The following RBMS1 variants were observed in gnomAD, a reference collection of about 807,000 sequenced individuals.
The protein encoded by RBMS1 is RNA-binding motif, single-stranded-interacting protein 1.
A neutral mutation model predicts 62.3 loss-of-function variants in RBMS1; 17 were observed. The observed-to-expected ratio is 0.27, with a 90% CI of 0.19 to 0.41. The LOEUF is 0.41. Among genes scored for constraint, RBMS1 ranks in the 10% least tolerant of loss-of-function variants. The pLI, the probability that RBMS1 is intolerant of heterozygous loss-of-function variation, is 1.00. For synonymous variants in RBMS1, 172 were observed against 170.0 expected (o/e 1.01, Z -0.09); for missense variants, 334 against 504.5 (o/e 0.66, Z 3.24).
At chr2:160,415,772 G>C (rs1696186738) in intron 1 of RBMS1, among the ~76,000 whole-genome samples, 1 of 152,062 alleles carries the variant, frequency 6.6e-6, no homozygotes, top group African/African-American at 2.4e-5. Context: ...TACACAGAAG[G>C]AAAGAAACAG....
chr2:160,426,776 G>C (rs904307366), intron 1 of RBMS1, among the ~76,000 whole-genome samples: 1 of 152,088 alleles, frequency 6.6e-6, no homozygotes, highest in African/African-American at 2.4e-5. Flanking sequence ...ACCTCATTCC[G>C]GGTGACTTCT....
chr2:160,323,097 G>T (rs1383603987), intron 2 of RBMS1, among the ~76,000 whole-genome samples: 1 of 152,056 alleles, frequency 6.6e-6, no homozygotes, highest in East Asian at 1.9e-4. Flanking sequence ...GCCTGTAAGA[G>T]TAACAGACAT....
In RBMS1 at chr2:160,310,074, T is replaced by C. The variant is rs573592635; in HGVS notation, c.402+3082A>G. ...CATCAAAATGTTAACCGAGAGCCTA[T>C]TTCACATTATGTTAAACAGGAAAAA... is the stretch of plus-strand genomic sequence containing the variant. On this transcript the variant is annotated intron_variant, in intron 4 of 13. Transcript: ENST00000348849. Among the ~76,000 whole-genome samples, 16 of 152,344 alleles carry C rather than the reference T, an allele frequency of 1.1e-4. No individual in the cohort carries two copies. In the South Asian group the frequency reaches 3.1e-3, roughly 30 times the overall value.
chr2:160,310,151 G>GT (rs1689768676), intron 4 of RBMS1, among the ~76,000 whole-genome samples: 1 of 152,116 alleles, frequency 6.6e-6, no homozygotes, highest in African/African-American at 2.4e-5. Flanking sequence ...TTTCTAAAAT[G>GT]TAACTATTTT....
intron 2 of RBMS1, among the ~76,000 whole-genome samples, chr2:160,344,018 A>AT (rs1377122355): frequency 6.6e-6 from 1 of 152,136 alleles, no homozygotes; most frequent in Non-Finnish European, 1.5e-5. Context: ...TGAATAAGTT[A>AT]TTTTTCACTG....
intron 1 of RBMS1, among the ~76,000 whole-genome samples, chr2:160,394,535 T>C (rs1481947332): frequency 6.6e-6 from 1 of 152,244 alleles, no homozygotes; most frequent in Non-Finnish European, 1.5e-5. Context: ...GTCAGCTTTC[T>C]TGACTTTGTA....
chr2:160,456,987 T>G (rs1684263748), intron 1 of RBMS1, among the ~76,000 whole-genome samples: 1 of 152,150 alleles, frequency 6.6e-6, no homozygotes, highest in Non-Finnish European at 1.5e-5. Flanking sequence ...TCTAATAAAC[T>G]TCAGCTAGCC....
rs569950614 is a variant in RBMS1, at chr2:160,273,705, C to A, written c.*1067G>T. On this transcript the variant is annotated 3_prime_UTR_variant, in exon 14 of 14. Coordinates refer to ENST00000348849, the MANE Select transcript of RBMS1 (RefSeq NM_016836.4). ...AGGAAGGACAAAACATTCAGTGACTCCCCTCCCCCACCCCCATCCCCAACC... is the reference window on the plus strand; with the variant it reads ...AGGAAGGACAAAACATTCAGTGACTACCCTCCCCCACCCCCATCCCCAACC... 6.6e-6 allele frequency: 1 copy of A among 151,778 alleles called. No homozygotes were observed. The highest frequency in any genetic ancestry group is 1.5e-5 in the Non-Finnish European group (1 of 67,964). The allele number at this position is 151,778 out of a possible 1,614,324, so 9.4% of individuals were successfully genotyped here.
intron 2 of RBMS1, among the ~76,000 whole-genome samples, chr2:160,327,359 T>C (rs531313012): frequency 2.6e-5 from 4 of 152,330 alleles, no homozygotes; most frequent in Admixed American, 6.5e-5. Context: ...TGCTGTTTAC[T>C]GTATGTATAA....
intron 1 of RBMS1, among the ~76,000 whole-genome samples, chr2:160,455,887 G>T (rs1684205880): frequency 6.6e-6 from 1 of 151,862 alleles, no homozygotes; most frequent in African/African-American, 2.4e-5. Flanking sequence ...GTTTCACCGT[G>T]TTAGCCAGGA....
intron 1 of RBMS1, among the ~76,000 whole-genome samples, chr2:160,421,399 T>C (rs1696422144): frequency 6.6e-6 from 1 of 151,988 alleles, no homozygotes; most frequent in Non-Finnish European, 1.5e-5. Flanking sequence ...CATGCGGTGT[T>C]TGGTTTTTTG....
At position 160,284,864 on chromosome 2, in the gene RBMS1, A is replaced by G. The variant is rs765292697; in HGVS notation, c.811T>C (p.Tyr271His). The change falls in exon 9 of 14, where the codon TAT (tyrosine) becomes CAT (histidine). Residue 271 changes from tyrosine (Y) to histidine (H), a missense_variant. Physicochemically the swap from Tyr to His is moderately conservative, Grantham distance 83. This residue lies in a region of RBMS1 where 182 missense variants were observed against 257.7 expected (regional missense o/e 0.71). Coordinates refer to ENST00000348849, the MANE Select transcript of RBMS1 (RefSeq NM_016836.4). The stretch of plus-strand genomic sequence containing the variant: ...GTAGCAATACTGTATGGTGAAGGAT[A>G]AAATCTAGAACAAACACAAAAGCCT... ...PTTAAIQNGF[Y>H]PSPYSIATNR... The G allele has an allele frequency of 1.1e-5, 18 of 1,600,804 alleles. No individual in the cohort carries two copies. Among genetic ancestry groups the G allele is most frequent in the Non-Finnish European group, 1.4e-5 (16 of 1,168,952 alleles).
intron 1 of RBMS1, among the ~76,000 whole-genome samples, chr2:160,385,315 C>T (rs1694510814): frequency 1.3e-5 from 2 of 152,164 alleles, no homozygotes; most frequent in African/African-American, 4.8e-5. Context: ...GCTTCTCGAT[C>T]CCCCTCGTCC....
At chr2:160,400,736 TA>T (rs1160008048) in intron 1 of RBMS1, among the ~76,000 whole-genome samples, 1 of 152,116 alleles carries the variant, frequency 6.6e-6, no homozygotes, top group Non-Finnish European at 1.5e-5. Flanking sequence ...AAAATATGTA[TA>T]AAAAATAGGA....
chr2:160,301,302 G>C (rs1021920489), intron 5 of RBMS1, among the ~76,000 whole-genome samples: 2 of 152,186 alleles, frequency 1.3e-5, no homozygotes, highest in Non-Finnish European at 2.9e-5. Flanking sequence ...GAGGAGTAAA[G>C]GCTGGAGGCT....
At chr2:160,374,946 G>T (rs141067967) in intron 1 of RBMS1, among the ~76,000 whole-genome samples, 4 of 151,772 alleles carry the variant, frequency 2.6e-5, no homozygotes, top group Non-Finnish European at 4.4e-5. Flanking sequence ...GGGGACGGTG[G>T]GGGGGAGGAA....
chr2:160,399,033 T>C (rs1695302572), intron 1 of RBMS1, among the ~76,000 whole-genome samples: 1 of 152,220 alleles, frequency 6.6e-6, no homozygotes, highest in Non-Finnish European at 1.5e-5. Context: ...CTTCAAACTC[T>C]ACCCTGCAGT....
intron 1 of RBMS1, among the ~76,000 whole-genome samples, chr2:160,369,807 C>T (rs1205620296): frequency 1.3e-5 from 2 of 152,032 alleles, no homozygotes; most frequent in African/African-American, 4.8e-5. Context: ...TTGATTTTGC[C>T]AGGAGTGGAA....
intron 2 of RBMS1, among the ~76,000 whole-genome samples, chr2:160,361,207 G>A (rs554431173): frequency 3.9e-5 from 6 of 152,186 alleles, no homozygotes; most frequent in Non-Finnish European, 8.8e-5. Flanking sequence ...ATAAGTTACT[G>A]CTACACTGAG....
Sources: gnomAD v4.1 joint callset for allele counts (sites outside exome capture counted in the v4.1 genomes callset) on GRCh38, gnomAD v4.1.1 for gene constraint, gnomAD v4.1.1 regional missense constraint, MANE v1.5 for transcripts, NCBI Gene and HGNC (gene_info 2026-07-23, HGNC 2026-07-21) for gene names.